PIH1D2: variants seen among roughly 807,000 people sequenced by gnomAD.
PIH1D2 encodes PIH1 domain containing 2.
A neutral mutation model predicts 31.2 loss-of-function variants in PIH1D2; 25 were observed. The observed-to-expected ratio is 0.80, with a 90% confidence interval of 0.58 to 1.12. PIH1D2 has a LOEUF of 1.12. Ranked by LOEUF, PIH1D2 falls within the 50% of genes most tolerant of loss-of-function variation. The pLI, the probability that PIH1D2 is intolerant of heterozygous loss-of-function variation, is 0.00. For synonymous variants in PIH1D2, 116 were observed against 119.9 expected (o/e 0.97, Z 0.21); for missense variants, 310 against 356.6 (o/e 0.87, Z 1.05).
chr11:112,055,466 G>T, the PIH1D2 span, among the ~76,000 whole-genome samples: 1 of 151,636 alleles, frequency 6.6e-6, no homozygotes, highest in Admixed American at 6.6e-5. Flanking sequence ...GGATGGTCTC[G>T]ATCTCCTGAC....
intron 4 of PIH1D2, 41 bp from the exon 5 acceptor site, chr11:112,070,742 C>G: frequency 6.3e-7 from 1 of 1,581,012 alleles, no homozygotes; most frequent in Non-Finnish European, 8.6e-7. Context: ...AAAAATAAAT[C>G]TACAACATAA....
Position 112,073,023 on chromosome 11 carries a change from T to A in PIH1D2, c.152A>T (p.Gln51Leu), listed in dbSNP as rs781837093. 1 of 1,613,136 alleles carries A rather than the reference T, an allele frequency of 6.2e-7. No homozygotes were observed. The highest frequency in any genetic ancestry group is 8.5e-7 in the Non-Finnish European group (1 of 1,179,502). The part of the protein sequence containing the change: ...GKQLCAAPEP[Q>L]LCLQTRILKP... ...CAGAATCCTGGTCTGTAGACAAAGC[T>A]GTGGTTCTGGGGCAGCACAGAGCTG... The change falls in exon 2 of 6, where the codon CAG becomes CTG. Residue 51 changes from glutamine (Q) to leucine (L), a missense_variant. Coordinates refer to ENST00000280350, the MANE Select transcript of PIH1D2 (RefSeq NM_138789.4).
intron 5 of PIH1D2, 133 bp downstream of exon 5, chr11:112,070,303 G>T: frequency 9.4e-7 from 1 of 1,061,294 alleles, no homozygotes; most frequent in Non-Finnish European, 1.3e-6. Flanking sequence ...TCTCAGAAGG[G>T]AATTGCTCCT....
intron 1 of PIH1D2, 125 bp from the exon 2 acceptor site, chr11:112,073,330 G>A (rs1865207755): frequency 6.7e-6 from 4 of 593,688 alleles, no homozygotes; most frequent in Admixed American, 6.5e-5. Flanking sequence ...GTGTCTAAAA[G>A]GTTGTGGATC....
At chr11:112,053,764 C>CT in the PIH1D2 span, among the ~76,000 whole-genome samples, 1 of 152,214 alleles carries the variant, frequency 6.6e-6, no homozygotes, top group South Asian at 2.1e-4. Context: ...TTAAACACAG[C>CT]TTTTAAACTA....
chr11:112,070,677 C>T lies in PIH1D2; in HGVS notation c.572G>A (p.Ser191Asn), dbSNP rs1469342263. Residue 191 changes from serine to asparagine, a missense_variant, in exon 5 of 6, where the codon AGC becomes AAC. Transcript: ENST00000280350. Reference sequence around the variant, plus strand: ...GTGATCTGGATTGCTCATAGTACTGCTTCGTATCTGTCCAAGAGTTAGTTC... The same window carrying T: ...GTGATCTGGATTGCTCATAGTACTGTTTCGTATCTGTCCAAGAGTTAGTTC... ...RRELTLGQIR[S>N]STMSNPDHFP... 1.9e-6 allele frequency: 3 copies of T among 1,613,804 alleles called. No homozygotes were observed. Among genetic ancestry groups the T allele is most frequent in the Non-Finnish European group, 2.5e-6 (3 of 1,179,964 alleles).
the PIH1D2 span, among the ~76,000 whole-genome samples, chr11:112,056,072 T>C: frequency 6.6e-6 from 1 of 151,806 alleles, no homozygotes; most frequent in African/African-American, 2.4e-5. Context: ...TTCACCATGT[T>C]GGCCAGAATG....
At chr11:112,062,394 A>C (rs1555183355), downstream of PIH1D2, 1 of 1,612,178 alleles carries the variant, frequency 6.2e-7, no homozygotes, top group South Asian at 1.1e-5. Context: ...AAATGTCTTT[A>C]TCTTTTTCTA....
At chr11:112,070,236 G>A (rs1555184359) in intron 5 of PIH1D2, 200 bp downstream of exon 5, 6 of 644,224 alleles carry the variant, frequency 9.3e-6, no homozygotes, top group East Asian at 2.7e-5. Context: ...GAAGTATTAC[G>A]ATCCACTGCA....
chr11:112,067,929 G>A lies in PIH1D2; in HGVS notation c.890C>T (p.Thr297Ile). 2.5e-6 allele frequency: 4 copies of A among 1,609,584 alleles called. No individual in the cohort carries two copies. The highest frequency in any genetic ancestry group is 3.4e-6 in the Non-Finnish European group (4 of 1,176,808). Residue 297 changes from threonine to isoleucine, a missense_variant, in exon 6 of 6, where the codon ACC (threonine) becomes ATC (isoleucine). Physicochemically the swap from Thr to Ile is moderately conservative, Grantham distance 89. Transcript: ENST00000280350. ...TTTTTCTTTGATAAATTTTGCTGTG[G>A]TCATTTCAGTATCAATAAGTTTTGG... is the stretch of plus-strand genomic sequence containing the variant. ...NLPKLIDTEM[T>I]TAKFIKEKST...
downstream of PIH1D2, chr11:112,061,169 A>G: frequency 6.2e-7 from 1 of 1,614,120 alleles, no homozygotes; most frequent in Non-Finnish European, 8.5e-7. Context: ...CAGATAATGA[A>G]AAAGGGTAAG....
Position 112,070,631 on chromosome 11 carries a change from T to C in PIH1D2, c.618A>G (p.Pro206=). The change falls in exon 5 of 6, where the codon CCA becomes CCG. Residue 206 remains proline (P), a synonymous_variant. Coordinates refer to ENST00000280350, the MANE Select transcript of PIH1D2 (RefSeq NM_138789.4). ...NPDHFPQLLL[P]KDQVSGKAVC... ...CTGCTTTGCCTGAAACTTGGTCTTT[T>C]GGCAGTAACAGTTGAGGAAAGTGAT... 4.3e-6 allele frequency: 7 copies of C among 1,614,144 alleles called. No homozygotes were observed. Among genetic ancestry groups the C allele is most frequent in the Non-Finnish European group, 5.9e-6 (7 of 1,180,004 alleles).
chr11:112,058,640 A>C (rs1555182849), downstream of PIH1D2, among the ~76,000 whole-genome samples: 6 of 137,016 alleles, frequency 4.4e-5, no homozygotes, highest in Admixed American at 7.2e-5. Flanking sequence ...GGGGGGAATC[A>C]CCTTTTTTTT....
At chr11:112,055,235 ATTTTTTTTTTT>A in the PIH1D2 span, among the ~76,000 whole-genome samples, 1 of 75,444 alleles carries the variant, frequency 1.3e-5, no homozygotes, top group South Asian at 5.1e-4. Flanking sequence ...GTCAAGGCCT[ATTTTTTTTTTT>A]TTTTTTTTTT....
chr11:112,059,773 G>A (rs782071644), downstream of PIH1D2: 1 of 696,314 alleles, frequency 1.4e-6, no homozygotes, highest in Non-Finnish European at 2.3e-6. Flanking sequence ...CTTAATTTTT[G>A]TCTTTGGCTG....
chr11:112,052,698 AAAGG>A, the PIH1D2 span, among the ~76,000 whole-genome samples: 2 of 152,064 alleles, frequency 1.3e-5, no homozygotes, highest in African/African-American at 4.8e-5. Context: ...CTGGGGAGAA[AAAGG>A]AAAGGAAGAA....
chr11:112,068,339 T>C (rs1399711969), intron 5 of PIH1D2, among the ~76,000 whole-genome samples: 4 of 152,154 alleles, frequency 2.6e-5, no homozygotes, highest in Non-Finnish European at 4.4e-5. Context: ...ATCACAGTAA[T>C]TTGGATGATA....
rs1865196813 is a variant in PIH1D2 at position 112,073,083 on chromosome 11, T to C, written c.92A>G (p.Glu31Gly). Residue 31 changes from glutamate (E) to glycine (G), a missense_variant, in exon 2 of 6, where the codon GAG (glutamate) becomes GGG (glycine). Physicochemically the swap from Glu to Gly is moderately conservative, Grantham distance 98. Coordinates refer to ENST00000280350, the MANE Select transcript of PIH1D2 (RefSeq NM_138789.4). ...DLAQSDPEGY[E>G]KFIQQQLKEG... ...TTTCAGCTGCTGCTGAATAAACTTCTCATAGCCCTCAGGGTCACTCTGAGC... is the reference window on the plus strand; with the variant it reads ...TTTCAGCTGCTGCTGAATAAACTTCCCATAGCCCTCAGGGTCACTCTGAGC... 1 of 1,614,018 alleles carries C rather than the reference T, an allele frequency of 6.2e-7. No homozygotes were observed. The highest frequency in any genetic ancestry group is 8.5e-7 in the Non-Finnish European group (1 of 1,179,996).
intron 2 of PIH1D2, among the ~76,000 whole-genome samples, 187 bp from the exon 3 acceptor site, chr11:112,071,945 T>C (rs1865130998): frequency 6.6e-6 from 1 of 151,944 alleles, no homozygotes; most frequent in Non-Finnish European, 1.5e-5. Flanking sequence ...ATACAAAAAT[T>C]AGCCAGGTGT....
Sources: gnomAD v4.1 joint callset for allele counts (sites outside exome capture counted in the v4.1 genomes callset) on GRCh38, gnomAD v4.1.1 for gene constraint, MANE v1.5 for transcripts, NCBI Gene and HGNC (gene_info 2026-07-23, HGNC 2026-07-21) for gene names.